Variants in B3GALT1 observed in about 807,000 individuals in gnomAD.
The protein encoded by B3GALT1 is beta-1,3-galactosyltransferase 1, also known as UDP-Gal:betaGlcNAc beta 1,3-galactosyltransferase, polypeptide 1.
Under a neutral mutation model 23.2 loss-of-function variants are expected in B3GALT1, and 10 were observed. That is an observed-to-expected ratio of 0.43 (90% CI 0.27 to 0.73). The LOEUF is 0.73. Among genes scored for constraint, B3GALT1 ranks in the 30% least tolerant of loss-of-function variants. The pLI, the probability that B3GALT1 is intolerant of heterozygous loss-of-function variation, is 0.21. For synonymous variants in B3GALT1, 156 were observed against 141.5 expected, an observed-to-expected ratio of 1.10 and a Z score of -0.73; for missense variants, 299 against 405.4, an observed-to-expected ratio of 0.74 and a Z score of 2.25.
chr2:167,335,912 C>G (rs1697051876), intron 1 of B3GALT1, among the ~76,000 whole-genome samples: 1 of 152,076 alleles, frequency 6.6e-6, no homozygotes, highest in African/African-American at 2.4e-5. Context: ...AGCCCCTATT[C>G]AAGATGGAAT....
chr2:167,616,172 A>T (rs1273064595), intron 2 of B3GALT1, among the ~76,000 whole-genome samples: 1 of 152,116 alleles, frequency 6.6e-6, no homozygotes, highest in Non-Finnish European at 1.5e-5. Flanking sequence ...AAGGAGATTG[A>T]ATATCTAATA....
At chr2:167,480,990 C>T (rs1699557631) in intron 1 of B3GALT1, among the ~76,000 whole-genome samples, 3 of 152,304 alleles carry the variant, frequency 2.0e-5, no homozygotes, top group African/African-American at 7.2e-5. Context: ...CCTTTGCTCC[C>T]AGTCCTATAA....
At chr2:167,377,247 TGGC>T (rs1697779893) in intron 1 of B3GALT1, among the ~76,000 whole-genome samples, 1 of 152,136 alleles carries the variant, frequency 6.6e-6, no homozygotes, top group Non-Finnish European at 1.5e-5. Context: ...TTTGCTTTAA[TGGC>T]CAAGTATGTG....
chr2:167,562,699 G>T (rs1015761845), intron 2 of B3GALT1, among the ~76,000 whole-genome samples: 13 of 151,520 alleles, frequency 8.6e-5, no homozygotes, highest in Non-Finnish European at 1.6e-4. Flanking sequence ...CTCGCAGAGG[G>T]GGATTTGGCA....
intron 3 of B3GALT1, among the ~76,000 whole-genome samples, chr2:167,703,329 G>A (rs1686910464): frequency 6.6e-6 from 1 of 152,170 alleles, no homozygotes; most frequent in African/African-American, 2.4e-5. Context: ...TACATTAGAT[G>A]CCTAGAAGGT....
intron 1 of B3GALT1, among the ~76,000 whole-genome samples, chr2:167,435,624 A>C (rs887824427): frequency 6.6e-6 from 1 of 152,018 alleles, no homozygotes; most frequent in African/African-American, 2.4e-5. Context: ...GAGGAGACTG[A>C]CTGTGTGGTG....
intron 2 of B3GALT1, among the ~76,000 whole-genome samples, chr2:167,551,534 G>A (rs1037840376): frequency 6.6e-6 from 1 of 152,060 alleles, no homozygotes; most frequent in South Asian, 2.1e-4. Flanking sequence ...GTAGACTTGT[G>A]CAGTTTGTGT....
At chr2:167,548,503 C>A (rs534624988) in intron 2 of B3GALT1, among the ~76,000 whole-genome samples, 1 of 152,224 alleles carries the variant, frequency 6.6e-6, no homozygotes, top group South Asian at 2.1e-4. Flanking sequence ...AGGGTGTGGG[C>A]CCTTCTTCTC....
intron 1 of B3GALT1, among the ~76,000 whole-genome samples, chr2:167,381,039 A>G (rs539463410): frequency 4.5e-4 from 69 of 152,152 alleles, no homozygotes; most frequent in Admixed American, 1.1e-3. Flanking sequence ...TGGGGAAAAA[A>G]CAAAACAAAA....
intron 1 of B3GALT1, among the ~76,000 whole-genome samples, chr2:167,449,261 T>C (rs1484076632): frequency 6.6e-6 from 1 of 152,216 alleles, no homozygotes; most frequent in African/African-American, 2.4e-5. Flanking sequence ...CATCAGTGAT[T>C]TCTTTCAGCA....
Position 167,654,067 on chromosome 2 carries a change from T to C in B3GALT1, c.-352+7101T>C, listed in dbSNP as rs1238483413. On this transcript the variant is annotated intron_variant, in intron 3 of 4. Coordinates refer to ENST00000392690, the MANE Select transcript of B3GALT1 (RefSeq NM_020981.4). The stretch of plus-strand genomic sequence containing the variant: ...GGGCAGTACAGTGGTGGTTAAAGTG[T>C]GGCCTCTGGAGTCAGGTTGGCTGGT... 3.9e-5 allele frequency among the ~76,000 whole-genome samples: 6 copies of C among 152,270 alleles called. No homozygotes were observed. The South Asian group carries it at 1.2e-3, about 32-fold the overall frequency.
intron 3 of B3GALT1, among the ~76,000 whole-genome samples, chr2:167,809,517 C>T (rs1242031644): frequency 1.3e-5 from 2 of 152,222 alleles, no homozygotes; most frequent in Admixed American, 6.5e-5. Flanking sequence ...GGACCCTCAG[C>T]TGCAGGTCTG....
intron 1 of B3GALT1, among the ~76,000 whole-genome samples, chr2:167,369,855 A>G (rs1301517859): frequency 1.3e-5 from 2 of 152,226 alleles, no homozygotes; most frequent in Non-Finnish European, 2.9e-5. Flanking sequence ...AGTAAAATTC[A>G]GCACAGTGCA....
chr2:167,477,183 G>A (rs774774453), intron 1 of B3GALT1, among the ~76,000 whole-genome samples: 1 of 152,176 alleles, frequency 6.6e-6, no homozygotes, highest in Non-Finnish European at 1.5e-5. Context: ...TTTGTGCGTG[G>A]GAAGGAGGTT....
At chr2:167,701,269 T>TA (rs1686877767) in intron 3 of B3GALT1, among the ~76,000 whole-genome samples, 1 of 151,738 alleles carries the variant, frequency 6.6e-6, no homozygotes, top group South Asian at 2.1e-4. Context: ...GAAGCTTTCT[T>TA]ATGGGGGGAG....
At chr2:167,482,194 A>T (rs951342426) in intron 1 of B3GALT1, among the ~76,000 whole-genome samples, 6 of 152,304 alleles carry the variant, frequency 3.9e-5, no homozygotes, top group African/African-American at 1.4e-4. Flanking sequence ...AAATAATCTC[A>T]TAGTCTGACT....
chr2:167,672,834 C>A (rs1686355978), intron 3 of B3GALT1, among the ~76,000 whole-genome samples: 1 of 152,014 alleles, frequency 6.6e-6, no homozygotes, highest in Non-Finnish European at 1.5e-5. Context: ...ATAAGGGACT[C>A]AGATTGTCCA....
chr2:167,870,204 A>G lies in B3GALT1; in HGVS notation c.*184A>G. On this transcript the variant is annotated 3_prime_UTR_variant, in exon 5 of 5. Coordinates refer to ENST00000392690, the MANE Select transcript of B3GALT1 (RefSeq NM_020981.4). ...ATGTTAGACTCTGGTCATAGAAACA[A>G]TAAATGAGTTAGAAGGGCCAGATTT... The G allele has an allele frequency of 1.7e-6, 1 of 582,332 alleles. No homozygotes were observed. The highest frequency in any genetic ancestry group is 2.9e-6 in the Non-Finnish European group (1 of 339,614). The allele number at this position is 582,332 out of a possible 1,614,324, so 36.1% of individuals were successfully genotyped here. A position where few individuals can be genotyped will look rare whatever the true frequency, so the allele number is the denominator to read the frequency against.
intron 4 of B3GALT1, among the ~76,000 whole-genome samples, chr2:167,860,417 A>G (rs1690075893): frequency 6.6e-6 from 1 of 151,510 alleles, no homozygotes; most frequent in East Asian, 1.9e-4. Flanking sequence ...CCTCCCTTTT[A>G]GCTGGTTAAT....
Sources: gnomAD v4.1 joint callset for allele counts (sites outside exome capture counted in the v4.1 genomes callset) on GRCh38, gnomAD v4.1.1 for gene constraint, MANE v1.5 for transcripts, NCBI Gene and HGNC (gene_info 2026-07-23, HGNC 2026-07-21) for gene names.